The following CDK14 variants were observed in gnomAD, a reference collection of about 807,000 sequenced individuals.
The protein encoded by CDK14 is cyclin-dependent kinase 14.
In CDK14, 34 loss-of-function variants were observed where a neutral mutation model predicts 60.7. The observed-to-expected ratio is 0.56, with a 90% CI of 0.43 to 0.75. CDK14 has a LOEUF of 0.75. Among genes scored for constraint, CDK14 ranks in the 30% least tolerant of loss-of-function variants. CDK14 has a pLI of 0.00. For missense variants in CDK14, 482 were observed against 564.1 expected (o/e 0.85, Z 1.47); for synonymous variants, 197 against 203.7 (o/e 0.97, Z 0.28).
intron 2 of CDK14, among the ~76,000 whole-genome samples, chr7:90,628,071 C>T (rs143394519): frequency 5.9e-5 from 9 of 152,282 alleles, no homozygotes; most frequent in East Asian, 3.9e-4. Flanking sequence ...CCTCCCACTT[C>T]GGCCTCCCAA....
At chr7:90,751,996 T>C (rs757203124) in intron 4 of CDK14, among the ~76,000 whole-genome samples, 1 of 152,204 alleles carries the variant, frequency 6.6e-6, no homozygotes, top group Non-Finnish European at 1.5e-5. Flanking sequence ...TAAATATATA[T>C]GCATGCAACA....
At chr7:90,777,556 A>G (rs1399441201) in intron 4 of CDK14, among the ~76,000 whole-genome samples, 1 of 152,220 alleles carries the variant, frequency 6.6e-6, no homozygotes, top group Non-Finnish European at 1.5e-5. Flanking sequence ...AATCAGGGGC[A>G]GAGCTAGGCA....
At chr7:90,932,084 C>T (rs10487993) in intron 8 of CDK14, among the ~76,000 whole-genome samples, 10,413 of 152,130 alleles carry the variant, frequency 0.068, 418 homozygotes, top group East Asian at 0.18. Context: ...GGATAATTTC[C>T]CTCAATTCGT....
chr7:90,856,503 G>A (rs2117198082), intron 5 of CDK14, among the ~76,000 whole-genome samples: 1 of 152,264 alleles, frequency 6.6e-6, no homozygotes, highest in African/African-American at 2.4e-5. Context: ...TTTAGGCCAA[G>A]CAGGCAGCAT....
At chr7:91,104,706 C>A (rs1034113680) in intron 12 of CDK14, among the ~76,000 whole-genome samples, 15 of 152,158 alleles carry the variant, frequency 9.9e-5, no homozygotes, top group African/African-American at 2.7e-4. Flanking sequence ...CTATAAGAGG[C>A]CTCTTGCCTC....
intron 2 of CDK14, among the ~76,000 whole-genome samples, chr7:90,674,900 G>A (rs1801166654): frequency 6.6e-6 from 1 of 152,216 alleles, no homozygotes; most frequent in African/African-American, 2.4e-5. Flanking sequence ...CAAACTGAAG[G>A]TGGAGCTCAG....
At chr7:90,785,897 A>G (rs931697918) in intron 4 of CDK14, among the ~76,000 whole-genome samples, 12 of 152,134 alleles carry the variant, frequency 7.9e-5, no homozygotes, top group African/African-American at 2.9e-4. Context: ...AGTTTCTGAA[A>G]TTGACAGATT....
At chr7:91,046,665 T>C (rs536395411) in intron 11 of CDK14, among the ~76,000 whole-genome samples, 1 of 152,282 alleles carries the variant, frequency 6.6e-6, no homozygotes, top group South Asian at 2.1e-4. Context: ...TGAATTATTG[T>C]AAAATGATTC....
At chr7:91,019,928 A>G (rs1319302548) in intron 10 of CDK14, among the ~76,000 whole-genome samples, 1 of 152,178 alleles carries the variant, frequency 6.6e-6, no homozygotes, top group African/African-American at 2.4e-5. Flanking sequence ...GCTTAGAGCA[A>G]TTGTTTATTT....
At chr7:91,069,861 A>G (rs191548113) in intron 11 of CDK14, among the ~76,000 whole-genome samples, 46 of 152,270 alleles carry the variant, frequency 3.0e-4, no homozygotes, top group African/African-American at 1.0e-3. Flanking sequence ...CGGTGGCACA[A>G]TCATGGCTTA....
chr7:90,755,224 C>A (rs1804007212), intron 4 of CDK14, among the ~76,000 whole-genome samples: 1 of 152,088 alleles, frequency 6.6e-6, no homozygotes, highest in African/African-American at 2.4e-5. Flanking sequence ...ACATGCCCAT[C>A]AGTAGTGAAT....
intron 10 of CDK14, among the ~76,000 whole-genome samples, chr7:91,005,626 A>G (rs1376317164): frequency 6.6e-6 from 1 of 152,248 alleles, no homozygotes; most frequent in East Asian, 1.9e-4. Flanking sequence ...GCAAGATGAC[A>G]GCTGAATTCC....
intron 7 of CDK14, among the ~76,000 whole-genome samples, chr7:90,903,490 T>C (rs529545237): frequency 9.2e-5 from 14 of 152,266 alleles, no homozygotes; most frequent in African/African-American, 3.4e-4. Context: ...TGTATTTATA[T>C]TCATATATGG....
At chr7:90,765,461 G>A (rs1804514471) in intron 4 of CDK14, among the ~76,000 whole-genome samples, 1 of 152,168 alleles carries the variant, frequency 6.6e-6, no homozygotes, top group African/African-American at 2.4e-5. Flanking sequence ...AGGAGAGATT[G>A]TCTAGAGAGG....
chr7:90,965,035 A>G (rs1794710508), intron 9 of CDK14, among the ~76,000 whole-genome samples: 1 of 152,176 alleles, frequency 6.6e-6, no homozygotes, highest in Admixed American at 6.5e-5. Flanking sequence ...TATCAGTTCC[A>G]TTTACTTTTT....
At chr7:90,849,159 C>A (rs769040282) in intron 5 of CDK14, among the ~76,000 whole-genome samples, 1 of 152,048 alleles carries the variant, frequency 6.6e-6, no homozygotes, top group Non-Finnish European at 1.5e-5. Context: ...GGTGCTCTTA[C>A]GGGGCAGTGA....
chr7:91,139,400 T>C (rs1800376691), intron 14 of CDK14, among the ~76,000 whole-genome samples: 1 of 152,120 alleles, frequency 6.6e-6, no homozygotes, highest in Non-Finnish European at 1.5e-5. Context: ...CTATACTGAG[T>C]CACTTAATAA....
At chr7:90,877,216 T>C (rs1474038152) in intron 6 of CDK14, among the ~76,000 whole-genome samples, 1 of 152,222 alleles carries the variant, frequency 6.6e-6, no homozygotes, top group Non-Finnish European at 1.5e-5. Flanking sequence ...TTATTCAGAA[T>C]ATATACACTT....
chr7:91,093,780 C>T (rs1798900614), intron 12 of CDK14, among the ~76,000 whole-genome samples: 2 of 152,124 alleles, frequency 1.3e-5, no homozygotes, highest in African/African-American at 2.4e-5. Context: ...AACCTAGGTG[C>T]CCATCAGTGT....
Sources: allele counts gnomAD v4.1 joint callset (sites outside exome capture counted in the v4.1 genomes callset), GRCh38; gene constraint gnomAD v4.1.1; transcripts MANE v1.5; gene names NCBI Gene and HGNC (gene_info 2026-07-23, HGNC 2026-07-21).